AGAP3: variants seen among roughly 807,000 people sequenced by gnomAD.
The protein encoded by AGAP3 is ArfGAP with GTPase domain, ankyrin repeat and PH domain 3.
AGAP3 carries 24 observed loss-of-function variants against 96.9 expected under a neutral mutation model. The observed-to-expected ratio is 0.25, with a 90% CI of 0.18 to 0.35. AGAP3 has a LOEUF of 0.35. AGAP3 is among the 10% of genes least tolerant of loss of function. AGAP3 has a pLI of 1.00. For synonymous variants in AGAP3, 563 were observed against 536.1 expected, an observed-to-expected ratio of 1.05 and a Z score of -0.69; for missense variants, 876 against 1,254.2, an observed-to-expected ratio of 0.70 and a Z score of 4.55.
intron 1 of AGAP3, among the ~76,000 whole-genome samples, chr7:151,105,366 G>A (rs955402359): frequency 1.3e-5 from 2 of 152,090 alleles, no homozygotes; most frequent in Admixed American, 6.5e-5. Context: ...AGGCAGCCAC[G>A]GTCACCATTT....
chr7:151,104,733 A>G (rs1289188896), intron 1 of AGAP3, among the ~76,000 whole-genome samples: 2 of 152,246 alleles, frequency 1.3e-5, no homozygotes, highest in African/African-American at 4.8e-5. Context: ...GGCGTTATCC[A>G]TTCACATGAA....
In AGAP3 at chr7:151,140,196, T is replaced by C; in HGVS notation, c.1804+80T>C. ...GATAGTACCCTAAAAGTAACACCTATTTTTTATTTTTTGTATTCAGTGGAT... is the reference window on the plus strand; with the variant it reads ...GATAGTACCCTAAAAGTAACACCTACTTTTTATTTTTTGTATTCAGTGGAT... On this transcript the variant is annotated intron_variant, in intron 13 of 17. Transcript: ENST00000397238. This position sits in a 1 kb window ranked among gnomAD's most constrained non-coding sequence, Gnocchi z 5.4. The C allele has an allele frequency of 1.5e-6, 2 of 1,324,770 alleles. No individual in the cohort carries two copies. Among genetic ancestry groups the C allele is most frequent in the Non-Finnish European group, 1.9e-6 (2 of 1,030,054 alleles). The allele number at this position is 1,324,770 out of a possible 1,614,324, so 82.1% of individuals were successfully genotyped here. A position where few individuals can be genotyped will look rare whatever the true frequency, so the allele number is the denominator to read the frequency against.
In AGAP3 at chr7:151,134,228, G is replaced by A. The variant is rs117084571; in HGVS notation, c.1327-172G>A. The stretch of plus-strand genomic sequence containing the variant: ...CTAGAGCTGCTTTGAGCACCGTGGA[G>A]ATCGAGGTGGAATCCAGACTCGGAG... On this transcript the variant is annotated intron_variant, in intron 10 of 17. Coordinates refer to ENST00000397238, the MANE Select transcript of AGAP3 (RefSeq NM_031946.7). 5.3e-5 allele frequency among the ~76,000 whole-genome samples: 8 copies of A among 152,214 alleles called. No homozygotes were observed. In the East Asian group the frequency reaches 1.4e-3, roughly 26 times the overall value.
intron 9 of AGAP3, among the ~76,000 whole-genome samples, chr7:151,124,247 G>T (rs1659053850): frequency 6.6e-6 from 1 of 152,342 alleles, no homozygotes; most frequent in East Asian, 1.9e-4. Context: ...CTGCGTGGAA[G>T]GGGATACTGA....
At chr7:151,106,912 C>T (rs905940857) in intron 1 of AGAP3, among the ~76,000 whole-genome samples, 1 of 152,360 alleles carries the variant, frequency 6.6e-6, no homozygotes, top group East Asian at 1.9e-4. Context: ...CACCTTCGCA[C>T]GTCTGCACCT....
chr7:151,137,716 T>C (rs930039813), intron 11 of AGAP3: 2 of 180,266 alleles, frequency 1.1e-5, no homozygotes, highest in African/African-American at 4.7e-5. Flanking sequence ...TTTGATACAC[T>C]TATTTCTCGT....
In AGAP3 at chr7:151,109,165, TAAAAA is replaced by T. The variant is rs112464213; in HGVS notation, c.332-7617_332-7613del. On this transcript the variant is annotated intron_variant, in intron 1 of 17. Transcript: ENST00000397238. ...CAGCATAGTGAGACTCCCACCTCTG[TAAAAA>T]AAAAAAAAAACAAAAAACAAAAAAC... 4.5e-3 allele frequency among the ~76,000 whole-genome samples: 618 copies of T among 136,298 alleles called. 4 individuals are homozygous for T. Among genetic ancestry groups the T allele is most frequent in the African/African-American group, 0.016 (579 of 36,962 alleles). 89.4% of individuals were successfully genotyped at this position (136,298 alleles called of 152,430 possible).
intron 1 of AGAP3, chr7:151,115,475 G>T: frequency 9.8e-7 from 1 of 1,016,266 alleles, no homozygotes; most frequent in South Asian, 4.5e-5. Flanking sequence ...GCGACCTGCT[G>T]GGCTCCGACG....
chr7:151,118,082 G>T lies in AGAP3; in HGVS notation c.707-128G>T. The T allele has an allele frequency of 7.7e-7, 1 of 1,300,088 alleles. No homozygotes were observed. Among genetic ancestry groups the T allele is most frequent in the Non-Finnish European group, 1.1e-6 (1 of 948,530 alleles). The allele number at this position is 1,300,088 out of a possible 1,614,324, so 80.5% of individuals were successfully genotyped here. A position where few individuals can be genotyped will look rare whatever the true frequency, so the allele number is the denominator to read the frequency against. ...GTTGAAATGAGACCCAGGCACCCGC[G>T]TTCTTGGTGCTCTGTGTGTTCCACT... On this transcript the variant is annotated intron_variant, in intron 5 of 17. Coordinates refer to ENST00000397238, the MANE Select transcript of AGAP3 (RefSeq NM_031946.7). This position sits in a 1 kb window ranked among gnomAD's most constrained non-coding sequence, Gnocchi z 6.1.
intron 9 of AGAP3, among the ~76,000 whole-genome samples, chr7:151,125,402 C>T (rs1703032491): frequency 6.6e-6 from 1 of 152,128 alleles, no homozygotes; most frequent in Non-Finnish European, 1.5e-5. Flanking sequence ...ACCTGGGGTT[C>T]TGGTCCAGTC....
intron 1 of AGAP3, among the ~76,000 whole-genome samples, chr7:151,097,296 C>T (rs940019585): frequency 1.3e-5 from 2 of 151,330 alleles, no homozygotes; most frequent in African/African-American, 4.9e-5. Flanking sequence ...TTTGGGAAGC[C>T]GAGGCAGGTG....
chr7:151,086,238 G>A (rs926342645), upstream of AGAP3, among the ~76,000 whole-genome samples: 3 of 151,948 alleles, frequency 2.0e-5, no homozygotes, highest in African/African-American at 7.2e-5. Context: ...GTGAGGAGGC[G>A]GAAGGGCCGA....
chr7:151,119,401 TTTCTC>T (rs1799758233), intron 7 of AGAP3: 1 of 156,684 alleles, frequency 6.4e-6, no homozygotes, highest in Non-Finnish European at 1.4e-5. Flanking sequence ...TCTCTGTCTT[TTTCTC>T]TTTCTTTCCC....
intron 1 of AGAP3, among the ~76,000 whole-genome samples, chr7:151,087,756 G>C (rs1339153498): frequency 6.7e-6 from 1 of 148,712 alleles, no homozygotes; most frequent in East Asian, 1.9e-4. Flanking sequence ...ACCGCACCCG[G>C]AGTCGGGGAC....
rs558133143 is a variant in AGAP3, at chr7:151,120,163, TC to T, written c.1128+23del. On this transcript the variant is annotated intron_variant, in intron 8 of 17. Transcript: ENST00000397238. ...TCTTCACGGTACGTGACTGCCCTCCTCCCCCGCCCAGCTGCCTTTGCTGCAC... is the reference window on the plus strand; with the variant it reads ...TCTTCACGGTACGTGACTGCCCTCCTCCCCGCCCAGCTGCCTTTGCTGCAC... The T allele has an allele frequency of 4.5e-4, 704 of 1,574,050 alleles. 4 individuals are homozygous for T. The African/African-American group carries it at 8.6e-3, about 19-fold the overall frequency.
At chr7:151,105,593 A>C (rs1799008036) in intron 1 of AGAP3, among the ~76,000 whole-genome samples, 1 of 142,272 alleles carries the variant, frequency 7.0e-6, no homozygotes, top group African/African-American at 2.6e-5. Flanking sequence ...CCGTCTCTAC[A>C]AAAAAAAAAA....
chr7:151,119,474 GC>G (rs901102363), intron 7 of AGAP3, among the ~76,000 whole-genome samples: 1 of 152,120 alleles, frequency 6.6e-6, no homozygotes, highest in African/African-American at 2.4e-5. Flanking sequence ...TGTTCTCTCT[GC>G]CCCAGCTGTC....
chr7:151,087,150 C>T (rs1798189076), intron 1 of AGAP3, 78 bp downstream of exon 1: 1 of 1,448,004 alleles, frequency 6.9e-7, no homozygotes. Flanking sequence ...CAGGCCGTGC[C>T]TGGCCATGCT....
At chr7:151,129,925 C>T (rs1202776478) in intron 10 of AGAP3, among the ~76,000 whole-genome samples, 2 of 152,168 alleles carry the variant, frequency 1.3e-5, no homozygotes, top group Non-Finnish European at 2.9e-5. Context: ...TGAAAGGCTC[C>T]AAGGCTTTCA....
Sources: gnomAD v4.1 joint callset for allele counts (sites outside exome capture counted in the v4.1 genomes callset) on GRCh38, gnomAD v4.1.1 for gene constraint, Gnocchi (gnomAD v3.1) non-coding constraint, MANE v1.5 for transcripts, NCBI Gene and HGNC (gene_info 2026-07-23, HGNC 2026-07-21) for gene names.